Variants in ARHGEF3 observed in about 807,000 individuals in gnomAD.
ARHGEF3 encodes the protein Rho guanine nucleotide exchange factor 3.
In ARHGEF3, 28 loss-of-function variants were observed where a neutral mutation model predicts 63.2. The ratio of observed to expected loss-of-function variants is 0.44; its 90% CI spans 0.33 to 0.61. ARHGEF3 has a LOEUF of 0.61. Among genes scored for constraint, ARHGEF3 ranks in the 20% least tolerant of loss-of-function variants. The pLI, the probability that ARHGEF3 is intolerant of heterozygous loss-of-function variation, is 0.03. For synonymous variants in ARHGEF3, 266 were observed against 254.2 expected, an observed-to-expected ratio of 1.05 and a Z score of -0.44; for missense variants, 533 against 659.3, an observed-to-expected ratio of 0.81 and a Z score of 2.10.
chr3:56,887,482 T>C (rs780422738), intron 3 of ARHGEF3, among the ~76,000 whole-genome samples: 2 of 152,160 alleles, frequency 1.3e-5, no homozygotes, highest in African/African-American at 4.8e-5. Context: ...GGATCATAGA[T>C]GTTGGGTGAC....
chr3:56,877,475 G>A (rs539165534), intron 4 of ARHGEF3, among the ~76,000 whole-genome samples: 85 of 149,114 alleles, frequency 5.7e-4, no homozygotes, highest in Non-Finnish European at 9.9e-4. Context: ...AGGCTCAATC[G>A]ATCCTCCCAC....
chr3:56,746,450 G>A lies in ARHGEF3; in HGVS notation c.613-988C>T, dbSNP rs980874304. On this transcript the variant is annotated intron_variant, in intron 6 of 9. Coordinates refer to ENST00000296315, the MANE Select transcript of ARHGEF3 (RefSeq NM_019555.3). ...ACCTTGCTTAAAAATAAAGTATGGC[G>A]GCCAGGCGCAGTGGCTCGTGCCTGT... is the stretch of plus-strand genomic sequence containing the variant. Among the ~76,000 whole-genome samples the A allele has an allele frequency of 7.2e-5, 11 of 152,262 alleles. 1 individual carries two copies. The highest frequency in any genetic ancestry group is 1.2e-4 in the African/African-American group (5 of 41,552).
intron 4 of ARHGEF3, among the ~76,000 whole-genome samples, chr3:56,816,940 A>C (rs1428316632): frequency 6.6e-6 from 1 of 152,222 alleles, no homozygotes; most frequent in African/African-American, 2.4e-5. Context: ...AGCAGTGCTG[A>C]CTTGGGTCCA....
chr3:56,774,833 A>T (rs1257650147), intron 1 of ARHGEF3, among the ~76,000 whole-genome samples: 1 of 152,116 alleles, frequency 6.6e-6, no homozygotes. Context: ...TGGAGGTTCC[A>T]GTGAGCCGAG....
chr3:56,783,527 T>C (rs1403819554), intron 1 of ARHGEF3, among the ~76,000 whole-genome samples: 1 of 152,130 alleles, frequency 6.6e-6, no homozygotes, highest in Non-Finnish European at 1.5e-5. Flanking sequence ...GCCCCCACAT[T>C]GGAAAAGTAA....
At chr3:56,927,121 G>A (rs2042295880) in intron 3 of ARHGEF3, among the ~76,000 whole-genome samples, 1 of 152,226 alleles carries the variant, frequency 6.6e-6, no homozygotes, top group African/African-American at 2.4e-5. Flanking sequence ...CTTAATGCGT[G>A]ACCCCTGATC....
chr3:57,008,186 T>C (rs994033916), intron 2 of ARHGEF3, among the ~76,000 whole-genome samples: 2 of 152,178 alleles, frequency 1.3e-5, no homozygotes, highest in Non-Finnish European at 2.9e-5. Context: ...TCAGCAAAAT[T>C]AAATCTGTGA....
At chr3:57,069,453 A>G (rs984669094) in intron 1 of ARHGEF3, among the ~76,000 whole-genome samples, 1 of 151,826 alleles carries the variant, frequency 6.6e-6, no homozygotes, top group Non-Finnish European at 1.5e-5. Flanking sequence ...AGATGAGTTG[A>G]GGTATGAATG....
chr3:56,932,369 C>G (rs550832477), intron 3 of ARHGEF3, among the ~76,000 whole-genome samples: 23 of 152,164 alleles, frequency 1.5e-4, no homozygotes, highest in African/African-American at 4.6e-4. Flanking sequence ...TCTTTTAATC[C>G]TCTCAAGTGC....
chr3:56,905,682 C>T (rs2041661115), intron 3 of ARHGEF3, among the ~76,000 whole-genome samples: 1 of 152,216 alleles, frequency 6.6e-6, no homozygotes, highest in Non-Finnish European at 1.5e-5. Context: ...TATACTCCTA[C>T]TGGCCATGTA....
At chr3:56,992,385 A>C (rs867293047) in intron 2 of ARHGEF3, among the ~76,000 whole-genome samples, 17 of 94,062 alleles carry the variant, frequency 1.8e-4, no homozygotes, top group African/African-American at 1.2e-3. Context: ...TAAAAAAAAA[A>C]AAAAAAAAAA....
At chr3:56,997,685 C>A (rs1009352997) in intron 2 of ARHGEF3, among the ~76,000 whole-genome samples, 1 of 152,134 alleles carries the variant, frequency 6.6e-6, no homozygotes, top group Non-Finnish European at 1.5e-5. Context: ...AGAGAGACAG[C>A]CTGCGAGTAC....
At chr3:57,022,538 A>G (rs1399106936) in intron 2 of ARHGEF3, among the ~76,000 whole-genome samples, 1 of 152,160 alleles carries the variant, frequency 6.6e-6, no homozygotes, top group Non-Finnish European at 1.5e-5. Context: ...CCAGAAAAAC[A>G]TTCCTTCTTG....
At chr3:57,033,415 G>T (rs1436031285) in intron 2 of ARHGEF3, among the ~76,000 whole-genome samples, 1 of 140,236 alleles carries the variant, frequency 7.1e-6, no homozygotes, top group Non-Finnish European at 1.5e-5. Context: ...CTTGGCTGCA[G>T]TAAAAAAAAA....
intron 3 of ARHGEF3, among the ~76,000 whole-genome samples, chr3:56,892,308 A>G (rs370962599): frequency 6.6e-5 from 10 of 152,306 alleles, no homozygotes; most frequent in African/African-American, 2.4e-4. Flanking sequence ...GTCCATATTC[A>G]CAAGGATTTT....
At chr3:56,939,454 A>G (rs558830532) in intron 3 of ARHGEF3, among the ~76,000 whole-genome samples, 1 of 152,364 alleles carries the variant, frequency 6.6e-6, no homozygotes, top group African/African-American at 2.4e-5. Flanking sequence ...ATGAACAGTC[A>G]TCAATACGAC....
At chr3:56,969,521 C>A (rs915212869) in intron 2 of ARHGEF3, among the ~76,000 whole-genome samples, 1 of 151,912 alleles carries the variant, frequency 6.6e-6, no homozygotes, top group Non-Finnish European at 1.5e-5. Flanking sequence ...GCCTGTAATC[C>A]CAGCACTTTG....
chr3:56,747,114 G>A (rs979519951), intron 6 of ARHGEF3, among the ~76,000 whole-genome samples: 41 of 152,182 alleles, frequency 2.7e-4, no homozygotes, highest in African/African-American at 9.4e-4. Flanking sequence ...ACGTGGTACT[G>A]TGGCTTGTAA....
In ARHGEF3 at chr3:56,888,851, C is replaced by T. The variant is rs138259428; in HGVS notation, c.130-6497G>A. 1.8e-3 allele frequency among the ~76,000 whole-genome samples: 276 copies of T among 151,866 alleles called. 11 individuals carry two copies. The East Asian group carries it at 0.05, about 27-fold the overall frequency. On this transcript the variant is annotated intron_variant, in intron 3 of 12. Coordinates refer to the ARHGEF3 transcript ENST00000338458. ...CTGGGAGACGGAGGTTGCGGTGAGC[C>T]GAGATCGCACCATTGCACTCCAGCC...
Sources: gnomAD v4.1 joint callset for allele counts (sites outside exome capture counted in the v4.1 genomes callset) on GRCh38, gnomAD v4.1.1 for gene constraint, MANE v1.5 for transcripts, NCBI Gene and HGNC (gene_info 2026-07-23, HGNC 2026-07-21) for gene names.